Variants in ZC3H11A observed in about 807,000 individuals in gnomAD.
ZC3H11A encodes the protein zinc finger CCCH domain-containing protein 11A.
A neutral mutation model predicts 90.8 loss-of-function variants in ZC3H11A; 22 were observed. The ratio of observed to expected loss-of-function variants is 0.24; its 90% CI spans 0.17 to 0.35. The LOEUF (loss-of-function observed/expected upper bound fraction) is 0.35. Ranked by LOEUF, ZC3H11A falls within the 10% of genes least tolerant of loss-of-function variation. ZC3H11A has a pLI of 1.00. For missense variants in ZC3H11A, 701 were observed against 964.9 expected, an observed-to-expected ratio of 0.73 and a Z score of 3.62; for synonymous variants, 294 against 339.8, an observed-to-expected ratio of 0.87 and a Z score of 1.48.
intron 13 of ZC3H11A, 22 bp from the exon 14 acceptor site, chr1:203,848,309 G>T: frequency 6.3e-7 from 1 of 1,581,528 alleles, no homozygotes. Flanking sequence ...AATAACTAAT[G>T]ATGTCTTTAA....
At position 203,852,129 on chromosome 1, in the gene ZC3H11A, T is replaced by G; in HGVS notation, c.2175-12T>G. ...AAACGGCAGTTTTCTAATAATCTTT[T>G]TTTTCTTACAGTCTTGTGCTGCCTC... On this transcript the variant is annotated splice_polypyrimidine_tract_variant and intron_variant, in intron 17 of 17. Transcript: ENST00000367210. 1.2e-6 allele frequency: 2 copies of G among 1,613,250 alleles called. No individual in the cohort carries two copies. The highest frequency in any genetic ancestry group is 2.2e-5 in the East Asian group (1 of 44,880).
chr1:203,800,546 C>A, intron 1 of ZC3H11A: 1 of 1,255,952 alleles, frequency 8.0e-7, no homozygotes, highest in Non-Finnish European at 1.1e-6. Flanking sequence ...TAATCATTAT[C>A]TTTATAAACA....
intron 6 of ZC3H11A, 27 bp from the exon 7 acceptor site, chr1:203,829,753 G>T: frequency 6.2e-7 from 1 of 1,612,832 alleles, no homozygotes; most frequent in Non-Finnish European, 8.5e-7. Flanking sequence ...TTTTAATTGT[G>T]AATTTGCCTT....
At chr1:203,815,801 T>C (rs1183930524) in intron 2 of ZC3H11A, among the ~76,000 whole-genome samples, 1 of 152,180 alleles carries the variant, frequency 6.6e-6, no homozygotes, top group Non-Finnish European at 1.5e-5. Flanking sequence ...AGATCACTAT[T>C]TCTGAAACCT....
rs1244426716 is a variant in ZC3H11A at position 203,800,500 on chromosome 1, G to C, written c.-1587-1075G>C. On this transcript the variant is annotated intron_variant, in intron 1 of 17. Coordinates refer to ENST00000367210, the MANE Select transcript of ZC3H11A (RefSeq NM_001376342.1). ...CATTTAAAATGGGCAACTTTTTGCT[G>C]TGTTACTGTATCTTAATAGCTGTAG... 22 of 1,449,536 alleles carry C rather than the reference G, an allele frequency of 1.5e-5. No homozygotes were observed. In the Middle Eastern group the frequency reaches 6.8e-4, roughly 45 times the overall value. The allele number at this position is 1,449,536 out of a possible 1,614,324, so 89.8% of individuals were successfully genotyped here. A position where few individuals can be genotyped will look rare whatever the true frequency, so the allele number is the denominator to read the frequency against.
At chr1:203,844,352 G>T (rs192007003) in intron 12 of ZC3H11A, among the ~76,000 whole-genome samples, 220 of 151,514 alleles carry the variant, frequency 1.5e-3, no homozygotes, top group African/African-American at 5.1e-3. Flanking sequence ...TAGAGACGGG[G>T]TTTCACCCTG....
intron 2 of ZC3H11A, among the ~76,000 whole-genome samples, chr1:203,812,567 A>G (rs892989653): frequency 1.4e-5 from 2 of 142,254 alleles, no homozygotes; most frequent in African/African-American, 5.2e-5. Flanking sequence ...TTTGGATTTT[A>G]GCCATTCTAA....
chr1:203,838,883 G>A (rs1685180470), intron 11 of ZC3H11A, among the ~76,000 whole-genome samples: 1 of 150,362 alleles, frequency 6.7e-6, no homozygotes, highest in Non-Finnish European at 1.5e-5. Flanking sequence ...AACCTGGAAG[G>A]CGGAGGTTAC....
At chr1:203,850,101 TC>T (rs1175061958) in intron 15 of ZC3H11A, 75 bp downstream of exon 15, 1 of 1,379,426 alleles carries the variant, frequency 7.2e-7, no homozygotes, top group African/African-American at 1.5e-5. Flanking sequence ...GCCAGTAACT[TC>T]CTGGCAACAA....
intron 12 of ZC3H11A, among the ~76,000 whole-genome samples, chr1:203,840,978 G>T (rs1204155012): frequency 1.3e-5 from 2 of 152,034 alleles, no homozygotes; most frequent in Non-Finnish European, 2.9e-5. Flanking sequence ...AATAAAAAGG[G>T]TTTAGATAAA....
intron 17 of ZC3H11A, among the ~76,000 whole-genome samples, chr1:203,851,402 T>C (rs1689223046): frequency 6.6e-6 from 1 of 152,190 alleles, no homozygotes; most frequent in African/African-American, 2.4e-5. Flanking sequence ...CAATCTCTGC[T>C]CACTGCAACC....
intron 2 of ZC3H11A, among the ~76,000 whole-genome samples, chr1:203,807,869 G>C (rs1362379616): frequency 6.6e-6 from 1 of 152,014 alleles, no homozygotes; most frequent in Non-Finnish European, 1.5e-5. Context: ...AGCGTCCCAA[G>C]TAGCTGGGAG....
intron 4 of ZC3H11A, among the ~76,000 whole-genome samples, chr1:203,823,472 C>T: frequency 6.6e-6 from 1 of 152,198 alleles, no homozygotes; most frequent in East Asian, 1.9e-4. Flanking sequence ...ATTCCAGACT[C>T]CCAGAAGGAA....
intron 8 of ZC3H11A, among the ~76,000 whole-genome samples, chr1:203,830,738 G>A (rs1025580318): frequency 2.0e-5 from 3 of 151,970 alleles, no homozygotes; most frequent in African/African-American, 7.3e-5. Flanking sequence ...GAACCCAGGA[G>A]GCAGAGGTTG....
In ZC3H11A at chr1:203,801,745, C is replaced by T. The variant is rs1249858741; in HGVS notation, c.-1417C>T. Reference sequence around the variant, plus strand: ...ATTTATTACATAAGAATCAAAATTGCTTTGTTACTGGGCTGGTTTCAAAGT... The same window carrying T: ...ATTTATTACATAAGAATCAAAATTGTTTTGTTACTGGGCTGGTTTCAAAGT... On this transcript the variant is annotated 5_prime_UTR_variant, in exon 2 of 18. Coordinates refer to ENST00000367210, the MANE Select transcript of ZC3H11A (RefSeq NM_001376342.1). 3 of 151,874 alleles carry T rather than the reference C, an allele frequency of 2.0e-5. No homozygotes were observed. Among genetic ancestry groups the T allele is most frequent in the African/African-American group, 7.3e-5 (3 of 41,236 alleles). 9.4% of individuals were successfully genotyped at this position (151,874 alleles called of 1,614,324 possible). A position where few individuals can be genotyped will look rare whatever the true frequency, so the allele number is the denominator to read the frequency against.
rs1230268543 is a variant in ZC3H11A at position 203,840,337 on chromosome 1, A to G, written c.1005A>G (p.Leu335=). The change falls in exon 12 of 18, where the codon TTA becomes TTG. Residue 335 remains leucine (L), a synonymous_variant. Coordinates refer to ENST00000367210, the MANE Select transcript of ZC3H11A (RefSeq NM_001376342.1). ...TTTCCAAGTCTCTTAAGGAGCGATTAGGCATGTCAGCTGATCCAGATAATG... is the reference window on the plus strand; with the variant it reads ...TTTCCAAGTCTCTTAAGGAGCGATTGGGCATGTCAGCTGATCCAGATAATG... The part of the protein sequence containing the change: ...AQVSKSLKER[L]GMSADPDNED... 1 of 1,613,258 alleles carries G rather than the reference A, an allele frequency of 6.2e-7. No individual in the cohort carries two copies. Among genetic ancestry groups the G allele is most frequent in the East Asian group, 2.2e-5 (1 of 44,836 alleles).
intron 2 of ZC3H11A, chr1:203,806,272 G>T: frequency 3.5e-6 from 1 of 287,576 alleles, no homozygotes. Context: ...ATCTTGAGTG[G>T]CTGTAAAGGA....
intron 2 of ZC3H11A, chr1:203,805,721 G>A (rs1285105722): frequency 4.5e-6 from 3 of 662,226 alleles, no homozygotes; most frequent in Non-Finnish European, 8.7e-6. Flanking sequence ...GCAGATGCTG[G>A]CTCATCTAAA....
intron 10 of ZC3H11A, among the ~76,000 whole-genome samples, 160 bp from the exon 11 acceptor site, chr1:203,837,804 TTA>T (rs540091145): frequency 6.1e-4 from 93 of 152,314 alleles, no homozygotes; most frequent in Middle Eastern, 3.4e-3. Flanking sequence ...TCCGACATTT[TTA>T]TGTTTCTAAC....
Sources: gnomAD v4.1 joint callset for allele counts (sites outside exome capture counted in the v4.1 genomes callset) on GRCh38, gnomAD v4.1.1 for gene constraint, MANE v1.5 for transcripts, NCBI Gene and HGNC (gene_info 2026-07-23, HGNC 2026-07-21) for gene names.